Variants in MARCHF11 observed in about 807,000 individuals in gnomAD.
MARCHF11 encodes the protein E3 ubiquitin-protein ligase MARCHF11.
MARCHF11 carries 29 observed loss-of-function variants against 37.3 expected under a neutral mutation model. That is an observed-to-expected ratio of 0.78 (90% confidence interval 0.58 to 1.06). The LOEUF (loss-of-function observed/expected upper bound fraction) is 1.06. MARCHF11 is among the 50% of genes least tolerant of loss of function. MARCHF11 has a pLI of 0.00. For synonymous variants in MARCHF11, 233 were observed against 228.0 expected, an observed-to-expected ratio of 1.02 and a Z score of -0.20; for missense variants, 482 against 533.4, an observed-to-expected ratio of 0.90 and a Z score of 0.95.
chr5:16,171,634 G>C (rs948196413), intron 2 of MARCHF11, among the ~76,000 whole-genome samples: 5 of 152,188 alleles, frequency 3.3e-5, no homozygotes, highest in Non-Finnish European at 5.9e-5. Context: ...TACAGTGTCT[G>C]TGGTAGCTTT....
intron 2 of MARCHF11, among the ~76,000 whole-genome samples, chr5:16,159,517 T>G (rs1255055499): frequency 6.6e-6 from 1 of 152,022 alleles, no homozygotes; most frequent in African/African-American, 2.4e-5. Context: ...TTGGCCTCAC[T>G]GATCTGAAAC....
chr5:16,168,132 T>C (rs1738200959), intron 2 of MARCHF11, among the ~76,000 whole-genome samples: 1 of 152,136 alleles, frequency 6.6e-6, no homozygotes, highest in Non-Finnish European at 1.5e-5. Context: ...TACCTGAAGC[T>C]TACTGTGGTA....
intron 3 of MARCHF11, among the ~76,000 whole-genome samples, chr5:16,079,550 A>G (rs545677391): frequency 6.6e-6 from 1 of 152,208 alleles, no homozygotes; most frequent in East Asian, 1.9e-4. Context: ...CTTCATCCCT[A>G]TTGGGCAACA....
At chr5:16,127,405 C>G (rs1421097886) in intron 2 of MARCHF11, among the ~76,000 whole-genome samples, 2 of 152,154 alleles carry the variant, frequency 1.3e-5, no homozygotes, top group East Asian at 3.9e-4. Flanking sequence ...GGGGGGATAT[C>G]TACAAGAGGG....
intron 2 of MARCHF11, among the ~76,000 whole-genome samples, chr5:16,126,366 A>G (rs1261347172): frequency 6.6e-6 from 1 of 152,254 alleles, no homozygotes; most frequent in Non-Finnish European, 1.5e-5. Context: ...CACTAATTAA[A>G]AACAAAATAA....
intron 1 of MARCHF11, 51 bp from the exon 2 acceptor site, chr5:16,177,932 A>T: frequency 6.6e-7 from 1 of 1,519,856 alleles, no homozygotes; most frequent in Non-Finnish European, 8.9e-7. Context: ...TCTCTATTTT[A>T]AAAACCTAAT....
chr5:16,072,043 T>C (rs1290836455), intron 3 of MARCHF11, among the ~76,000 whole-genome samples: 1 of 152,164 alleles, frequency 6.6e-6, no homozygotes, highest in Non-Finnish European at 1.5e-5. Context: ...CACTGCAAGC[T>C]CCGCCTCCCA....
intron 2 of MARCHF11, among the ~76,000 whole-genome samples, chr5:16,164,673 A>T (rs1419836908): frequency 1.3e-5 from 2 of 152,104 alleles, no homozygotes; most frequent in African/African-American, 4.8e-5. Flanking sequence ...TAAATGAGAT[A>T]AAGGCTATAA....
At chr5:16,146,630 G>C (rs1408650192) in intron 2 of MARCHF11, among the ~76,000 whole-genome samples, 1 of 152,132 alleles carries the variant, frequency 6.6e-6, no homozygotes, top group Non-Finnish European at 1.5e-5. Context: ...CTGAAGACCT[G>C]AAAATAATTC....
chr5:16,158,353 C>T (rs1579418268), intron 2 of MARCHF11, among the ~76,000 whole-genome samples: 1 of 151,828 alleles, frequency 6.6e-6, no homozygotes. Context: ...TCACAACAGC[C>T]AAATATAGAA....
chr5:16,118,671 G>A (rs556415390), intron 2 of MARCHF11, among the ~76,000 whole-genome samples: 16 of 152,264 alleles, frequency 1.1e-4, no homozygotes, highest in African/African-American at 2.6e-4. Context: ...ACACTAAGCC[G>A]TCAGCGAGAT....
intron 2 of MARCHF11, among the ~76,000 whole-genome samples, chr5:16,133,342 G>GA (rs1382606385): frequency 6.6e-5 from 10 of 152,090 alleles, no homozygotes; most frequent in Non-Finnish European, 1.5e-4. Flanking sequence ...GAAGGAGAGA[G>GA]AGCCCAGTTG....
At chr5:16,173,713 G>A (rs530364907) in intron 2 of MARCHF11, among the ~76,000 whole-genome samples, 1 of 152,272 alleles carries the variant, frequency 6.6e-6, no homozygotes, top group South Asian at 2.1e-4. Context: ...AAACAAGAAG[G>A]ACCTGTGGCA....
intron 2 of MARCHF11, among the ~76,000 whole-genome samples, chr5:16,107,932 T>A (rs1737071749): frequency 6.6e-6 from 1 of 151,986 alleles, no homozygotes; most frequent in South Asian, 2.1e-4. Flanking sequence ...TCCCCATCTA[T>A]CCTGTTGAGA....
intron 2 of MARCHF11, among the ~76,000 whole-genome samples, chr5:16,164,189 T>C (rs540352551): frequency 2.0e-5 from 3 of 152,214 alleles, no homozygotes; most frequent in South Asian, 4.1e-4. Flanking sequence ...AATAATATAA[T>C]GGTCAATCCC....
intron 2 of MARCHF11, among the ~76,000 whole-genome samples, chr5:16,091,525 T>C (rs549599598): frequency 4.2e-4 from 64 of 152,196 alleles, no homozygotes; most frequent in Admixed American, 3.8e-3. Context: ...TAGAAAAAAA[T>C]GTAAAAAGCA....
chr5:16,085,854 G>A (rs1358503427), intron 3 of MARCHF11, among the ~76,000 whole-genome samples: 3 of 147,398 alleles, frequency 2.0e-5, no homozygotes, highest in Non-Finnish European at 4.5e-5. Context: ...GCAGGATAAT[G>A]GCATGAACCC....
intron 3 of MARCHF11, among the ~76,000 whole-genome samples, chr5:16,077,014 A>G (rs993297778): frequency 2.6e-5 from 4 of 152,230 alleles, no homozygotes; most frequent in African/African-American, 9.6e-5. Context: ...TAAAGGGTAC[A>G]TTGCAGCGTT....
Position 16,067,810 on chromosome 5 carries a change from T to C in MARCHF11, c.887-17A>G. On this transcript the variant is annotated splice_polypyrimidine_tract_variant and intron_variant, in intron 3 of 3. Coordinates refer to ENST00000332432, the MANE Select transcript of MARCHF11 (RefSeq NM_001102562.3). Reference sequence around the variant, plus strand: ...CAATGAGACCTAAAATTTGAGAAAATAAAAAACCAAAAAGACTGGTGATAA... The same window carrying C: ...CAATGAGACCTAAAATTTGAGAAAACAAAAAACCAAAAAGACTGGTGATAA... The C allele has an allele frequency of 6.3e-7, 1 of 1,588,328 alleles. No individual in the cohort carries two copies.
Sources: allele counts gnomAD v4.1 joint callset (sites outside exome capture counted in the v4.1 genomes callset), GRCh38; gene constraint gnomAD v4.1.1; transcripts MANE v1.5; gene names NCBI Gene and HGNC (gene_info 2026-07-23, HGNC 2026-07-21).